Variants in LRFN2 observed in about 807,000 individuals in gnomAD.
The protein encoded by LRFN2 is leucine rich repeat and fibronectin type III domain containing 2, also known as leucine-rich repeat and fibronectin type-III domain-containing protein 2.
Under a neutral mutation model 37.3 loss-of-function variants are expected in LRFN2, and 18 were observed. That is an observed-to-expected ratio of 0.48 (90% confidence interval 0.33 to 0.72). LRFN2 has a LOEUF of 0.72. Ranked by LOEUF, LRFN2 falls within the 30% of genes least tolerant of loss-of-function variation. The probability of loss-of-function intolerance (pLI) is 0.02; values close to 1 mark genes in which losing one functional copy is unlikely to be tolerated. For missense variants in LRFN2, 1,006 were observed against 1,060.7 expected, an observed-to-expected ratio of 0.95 and a Z score of 0.72; for synonymous variants, 556 against 466.6, an observed-to-expected ratio of 1.19 and a Z score of -2.47.
intron 1 of LRFN2, among the ~76,000 whole-genome samples, chr6:40,555,779 G>A (rs1766864170): frequency 6.6e-6 from 1 of 152,062 alleles, no homozygotes; most frequent in Non-Finnish European, 1.5e-5. Context: ...ATTCAGTGGG[G>A]AGTCTGAGTC....
chr6:40,420,233 C>G (rs1225824001), intron 2 of LRFN2, among the ~76,000 whole-genome samples: 4 of 152,234 alleles, frequency 2.6e-5, no homozygotes, highest in Admixed American at 2.6e-4. Context: ...GGTGGCCCAT[C>G]GCGTCCTGTG....
Position 40,392,782 on chromosome 6 carries a change from C to A in LRFN2, c.1531G>T (p.Ala511Ser), listed in dbSNP as rs529101187. The stretch of plus-strand genomic sequence containing the variant: ...TAGTCAGCCTTGGTGAAGAACTGGG[C>A]GCAGCCCACGATGTTGGTGGCCGTG... ...TLTATNIVGCAQFFTKADYPQ... is the reference protein window; with the variant it reads ...TLTATNIVGCSQFFTKADYPQ... Residue 511 changes from alanine (A) to serine (S), a missense_variant, in exon 3 of 3, where the codon GCC (alanine) becomes TCC (serine). By Grantham distance (99) the Ala-to-Ser change is moderately conservative (BLOSUM62 1). Coordinates refer to ENST00000338305, the MANE Select transcript of LRFN2 (RefSeq NM_020737.3). This position sits in a 1 kb window ranked among gnomAD's most constrained non-coding sequence, Gnocchi z 4.7. 2 of 1,614,082 alleles carry A rather than the reference C, an allele frequency of 1.2e-6. No individual in the cohort carries two copies. Among genetic ancestry groups the A allele is most frequent in the Non-Finnish European group, 1.7e-6 (2 of 1,179,994 alleles).
intron 2 of LRFN2, among the ~76,000 whole-genome samples, chr6:40,414,385 C>G (rs1411224976): frequency 2.6e-5 from 4 of 152,146 alleles, no homozygotes; most frequent in Non-Finnish European, 4.4e-5. Context: ...TCAGTTCCCC[C>G]CTCCTCCCCG....
chr6:40,472,612 C>A (rs1296960609), intron 1 of LRFN2, among the ~76,000 whole-genome samples: 1 of 152,212 alleles, frequency 6.6e-6, no homozygotes, highest in Non-Finnish European at 1.5e-5. Flanking sequence ...TTGTGCACTT[C>A]CCTCCTCCTG....
At chr6:40,409,176 G>A (rs115561255) in intron 2 of LRFN2, among the ~76,000 whole-genome samples, 6 of 152,218 alleles carry the variant, frequency 3.9e-5, no homozygotes, top group Admixed American at 2.0e-4. Context: ...GAAGCCCTCA[G>A]TCATTTCATG....
rs75072048 is a variant in LRFN2, at chr6:40,458,506, G to A, written c.-18-25375C>T. ...GTTTCTATATCCTGGCTATGTTGAC[G>A]GGTGATAGTCCAGAGCAACATAAAG... On this transcript the variant is annotated intron_variant, in intron 1 of 2. Coordinates refer to ENST00000338305, the MANE Select transcript of LRFN2 (RefSeq NM_020737.3). 7.0e-3 allele frequency among the ~76,000 whole-genome samples: 1,060 copies of A among 152,250 alleles called. 9 individuals are homozygous for A. Among genetic ancestry groups the A allele is most frequent in the African/African-American group, 0.022 (934 of 41,518 alleles).
intron 1 of LRFN2, among the ~76,000 whole-genome samples, chr6:40,442,662 G>A (rs1187910239): frequency 6.6e-6 from 1 of 152,160 alleles, no homozygotes; most frequent in Non-Finnish European, 1.5e-5. Flanking sequence ...CCTCAGACTG[G>A]GGCTCCATCA....
At chr6:40,517,014 C>G (rs1023769146) in intron 1 of LRFN2, among the ~76,000 whole-genome samples, 42 of 152,212 alleles carry the variant, frequency 2.8e-4, no homozygotes, top group African/African-American at 7.7e-4. Context: ...AGAAACAGTC[C>G]CTGCCTGCAT....
intron 1 of LRFN2, among the ~76,000 whole-genome samples, chr6:40,575,543 T>C (rs1767262734): frequency 6.6e-6 from 1 of 152,096 alleles, no homozygotes; most frequent in African/African-American, 2.4e-5. Context: ...TAACCATCTG[T>C]GGATATTGGG....
At chr6:40,553,211 C>A (rs1766811039) in intron 1 of LRFN2, among the ~76,000 whole-genome samples, 2 of 152,190 alleles carry the variant, frequency 1.3e-5, no homozygotes, top group African/African-American at 4.8e-5. Context: ...CTTAGCCTGC[C>A]TTTACCACCT....
At position 40,392,398 on chromosome 6, in the gene LRFN2, G is replaced by T. The variant is rs750189329; in HGVS notation, c.1915C>A (p.Pro639Thr). ...SGEAAGLGRA[P>T]WRIPPSAPRP... Reference sequence around the variant, plus strand: ...GGGGCGGAGGGTGGGATCCTCCAGGGGGCCCGTCCCAGCCCCGCAGCCTCC... The same window carrying T: ...GGGGCGGAGGGTGGGATCCTCCAGGTGGCCCGTCCCAGCCCCGCAGCCTCC... Residue 639 changes from proline (P) to threonine (T), a missense_variant, in exon 3 of 3, where the codon CCC becomes ACC. This residue lies in a region of LRFN2 where 398 missense variants were observed against 327.6 expected (regional missense o/e 1.21). Transcript: ENST00000338305. This position sits in a 1 kb window ranked among gnomAD's most constrained non-coding sequence, Gnocchi z 4.7. The T allele has an allele frequency of 5.7e-6, 9 of 1,578,314 alleles. No individual in the cohort carries two copies. Among genetic ancestry groups the T allele is most frequent in the African/African-American group, 1.3e-5 (1 of 74,090 alleles).
At chr6:40,517,675 G>A (rs1174539414) in intron 1 of LRFN2, among the ~76,000 whole-genome samples, 3 of 152,180 alleles carry the variant, frequency 2.0e-5, no homozygotes, top group South Asian at 4.1e-4. Context: ...ATTGCAGAAG[G>A]CAGGCTTATT....
chr6:40,431,416 A>C (rs1763477339), intron 2 of LRFN2, among the ~76,000 whole-genome samples: 1 of 152,328 alleles, frequency 6.6e-6, no homozygotes, highest in South Asian at 2.1e-4. Context: ...GGCTTAGAAC[A>C]GAACATTCAT....
At chr6:40,551,510 TGA>T (rs1284905653) in intron 1 of LRFN2, among the ~76,000 whole-genome samples, 5 of 152,220 alleles carry the variant, frequency 3.3e-5, no homozygotes, top group Admixed American at 3.3e-4. Flanking sequence ...TTCAACTAGT[TGA>T]GTTGGTTTTT....
At chr6:40,510,617 C>A (rs914900097) in intron 1 of LRFN2, among the ~76,000 whole-genome samples, 1 of 152,214 alleles carries the variant, frequency 6.6e-6, no homozygotes, top group East Asian at 1.9e-4. Flanking sequence ...AAGAGCTGTG[C>A]CCCAGGGAGT....
chr6:40,443,677 C>A (rs1266753802), intron 1 of LRFN2, among the ~76,000 whole-genome samples: 1 of 152,142 alleles, frequency 6.6e-6, no homozygotes, highest in Non-Finnish European at 1.5e-5. Flanking sequence ...GACACATTAT[C>A]AGTCAGGGGC....
intron 1 of LRFN2, among the ~76,000 whole-genome samples, chr6:40,529,484 T>C (rs1199782200): frequency 6.6e-6 from 1 of 152,220 alleles, no homozygotes; most frequent in Non-Finnish European, 1.5e-5. Context: ...AAGTAACTCA[T>C]CTTAATATTT....
At chr6:40,528,701 A>G (rs1332483606) in intron 1 of LRFN2, among the ~76,000 whole-genome samples, 8 of 152,200 alleles carry the variant, frequency 5.3e-5, no homozygotes, top group Admixed American at 5.2e-4. Context: ...TAAGTCTAGG[A>G]GTGTACTGAA....
chr6:40,413,366 C>T (rs780703871), intron 2 of LRFN2, among the ~76,000 whole-genome samples: 3 of 152,198 alleles, frequency 2.0e-5, no homozygotes, highest in Non-Finnish European at 2.9e-5. Flanking sequence ...CAGCTATACA[C>T]GCCTGCCTGC....
Sources: allele counts gnomAD v4.1 joint callset (sites outside exome capture counted in the v4.1 genomes callset), GRCh38; gene constraint gnomAD v4.1.1; regional missense constraint gnomAD v4.1.1; non-coding constraint Gnocchi (gnomAD v3.1); transcripts MANE v1.5; gene names NCBI Gene and HGNC (gene_info 2026-07-23, HGNC 2026-07-21).